The following MAGI1 variants were observed in gnomAD, a reference collection of about 807,000 sequenced individuals.
MAGI1 encodes the protein membrane-associated guanylate kinase, WW and PDZ domain-containing protein 1.
MAGI1 carries 58 observed loss-of-function variants against 139.9 expected under a neutral mutation model. The observed-to-expected ratio is 0.41, with a 90% CI of 0.34 to 0.52. MAGI1 has a LOEUF of 0.52. Among genes scored for constraint, MAGI1 ranks in the 20% least tolerant of loss-of-function variants. The pLI, the probability that MAGI1 is intolerant of heterozygous loss-of-function variation, is 0.12. For synonymous variants in MAGI1, 812 were observed against 737.9 expected (o/e 1.10, Z -1.63); for missense variants, 1,874 against 1,901.6 (o/e 0.99, Z 0.27).
At chr3:65,920,619 A>G (rs896059203) in intron 1 of MAGI1, among the ~76,000 whole-genome samples, 15 of 152,210 alleles carry the variant, frequency 9.9e-5, no homozygotes, top group Non-Finnish European at 2.2e-4. Flanking sequence ...TCCCCTTCCC[A>G]AAAACATTTT....
At chr3:65,931,621 G>C (rs2062811766) in intron 1 of MAGI1, among the ~76,000 whole-genome samples, 1 of 152,184 alleles carries the variant, frequency 6.6e-6, no homozygotes, top group South Asian at 2.1e-4. Flanking sequence ...CCGAGATTGT[G>C]CTACTGCACT....
At chr3:65,690,864 C>T (rs2088567338) in intron 1 of MAGI1, among the ~76,000 whole-genome samples, 1 of 136,908 alleles carries the variant, frequency 7.3e-6, no homozygotes, top group Admixed American at 7.2e-5. Flanking sequence ...CTATGAAATA[C>T]CATGATATAA....
chr3:65,490,668 A>T (rs991796192), intron 3 of MAGI1, among the ~76,000 whole-genome samples: 33 of 151,518 alleles, frequency 2.2e-4, no homozygotes, highest in Non-Finnish European at 1.9e-4. Flanking sequence ...ACACGGTGAA[A>T]CCCTGTCTCT....
intron 1 of MAGI1, 146 bp downstream of exon 1, chr3:66,037,850 T>C: frequency 7.2e-7 from 1 of 1,387,070 alleles, no homozygotes; most frequent in Non-Finnish European, 9.7e-7. Flanking sequence ...AACAACTTTG[T>C]GTATTTCACC....
chr3:65,601,114 C>G (rs887410730), intron 2 of MAGI1, among the ~76,000 whole-genome samples: 7 of 152,186 alleles, frequency 4.6e-5, no homozygotes, highest in Admixed American at 2.0e-4. Context: ...CACATCAACA[C>G]GCTAACTCTT....
intron 1 of MAGI1, among the ~76,000 whole-genome samples, chr3:65,716,717 G>T (rs1174209183): frequency 6.6e-6 from 1 of 152,128 alleles, no homozygotes; most frequent in South Asian, 2.1e-4. Flanking sequence ...TAAAACGAAA[G>T]AATAAACTCT....
At position 65,594,715 on chromosome 3, in the gene MAGI1, T is replaced by G. The variant is rs1055731565; in HGVS notation, c.430+27257A>C. 5.3e-5 allele frequency among the ~76,000 whole-genome samples: 8 copies of G among 152,088 alleles called. No individual in the cohort carries two copies. In the South Asian group the frequency reaches 1.7e-3, roughly 32 times the overall value. ...GGAAAAAACAAACATGCTGAGAAAA[T>G]GGTGATTACTAAATGAACAGAATTT... On this transcript the variant is annotated intron_variant, in intron 2 of 22. Coordinates refer to ENST00000402939, the MANE Select transcript of MAGI1 (RefSeq NM_001033057.2).
At chr3:65,839,914 T>A (rs560687867) in intron 1 of MAGI1, among the ~76,000 whole-genome samples, 7 of 152,352 alleles carry the variant, frequency 4.6e-5, no homozygotes, top group African/African-American at 1.7e-4. Context: ...ATCTCTCCAT[T>A]CATTTAGGTC....
intron 2 of MAGI1, among the ~76,000 whole-genome samples, chr3:65,594,823 G>T (rs1917527): frequency 0.35 from 53,463 of 151,968 alleles, 10,591 homozygotes; most frequent in East Asian, 0.59. Context: ...GCTTTTTCTA[G>T]TACTATCAAC....
intron 1 of MAGI1, among the ~76,000 whole-genome samples, chr3:65,778,228 A>G (rs264116): frequency 0.75 from 113,615 of 151,820 alleles, 43,120 homozygotes; most frequent in East Asian, 0.93. Flanking sequence ...TAAGGAGTTC[A>G]AGATCAGGCT....
chr3:65,701,049 T>C (rs759528519), intron 1 of MAGI1, among the ~76,000 whole-genome samples: 3 of 152,140 alleles, frequency 2.0e-5, no homozygotes, highest in Non-Finnish European at 2.9e-5. Flanking sequence ...AAAAATTATG[T>C]CCACAATATA....
intron 1 of MAGI1, among the ~76,000 whole-genome samples, chr3:65,919,366 C>T (rs532208185): frequency 6.6e-6 from 1 of 151,860 alleles, no homozygotes; most frequent in East Asian, 1.9e-4. Flanking sequence ...AGTTTGAGAC[C>T]AGCCTGGGCA....
intron 1 of MAGI1, among the ~76,000 whole-genome samples, chr3:65,824,512 C>T (rs140204510): frequency 5.9e-5 from 9 of 152,286 alleles, no homozygotes; most frequent in African/African-American, 1.7e-4. Flanking sequence ...GTGCTGGAGA[C>T]CTTAAGAAAG....
chr3:65,601,006 A>G (rs143519448), intron 2 of MAGI1, among the ~76,000 whole-genome samples: 61 of 152,324 alleles, frequency 4.0e-4, no homozygotes, highest in Middle Eastern at 6.8e-3. Context: ...TTCCTGCCTC[A>G]TGGAACTGTG....
chr3:66,004,319 G>C lies in MAGI1; in HGVS notation c.313+33677C>G, dbSNP rs146663799. Among the ~76,000 whole-genome samples the C allele has an allele frequency of 1.1e-3, 167 of 152,262 alleles. 3 individuals carry two copies. The East Asian group carries it at 0.03, about 27-fold the overall frequency. On this transcript the variant is annotated intron_variant, in intron 1 of 22. Coordinates refer to ENST00000402939, the MANE Select transcript of MAGI1 (RefSeq NM_001033057.2). ...GTTGGGGGTGACTTGATGGCTAAAG[G>C]CTGGAATATCCGGAGGCATCTTCAC...
At chr3:65,930,254 T>C (rs1024089003) in intron 1 of MAGI1, among the ~76,000 whole-genome samples, 1 of 136,982 alleles carries the variant, frequency 7.3e-6, no homozygotes, top group African/African-American at 2.7e-5. Flanking sequence ...AGGCGGAGCT[T>C]GCAGTGAGCC....
chr3:65,505,669 G>A (rs559191538), intron 2 of MAGI1, among the ~76,000 whole-genome samples: 13 of 109,424 alleles, frequency 1.2e-4, no homozygotes, highest in East Asian at 3.8e-4. Flanking sequence ...AATAATAATA[G>A]GGAATGACTG....
intron 1 of MAGI1, among the ~76,000 whole-genome samples, chr3:65,920,962 G>A (rs1408785117): frequency 2.0e-5 from 3 of 151,972 alleles, no homozygotes; most frequent in Admixed American, 6.6e-5. Context: ...CCGGGAAGCA[G>A]AGGTTGCAGA....
intron 20 of MAGI1, among the ~76,000 whole-genome samples, chr3:65,364,392 G>T (rs552848967): frequency 6.6e-6 from 1 of 152,076 alleles, no homozygotes; most frequent in East Asian, 1.9e-4. Context: ...AGTAGATATT[G>T]GTTGCTTTGC....
Sources: allele counts gnomAD v4.1 joint callset (sites outside exome capture counted in the v4.1 genomes callset), GRCh38; gene constraint gnomAD v4.1.1; transcripts MANE v1.5; gene names NCBI Gene and HGNC (gene_info 2026-07-23, HGNC 2026-07-21).